Variants in MCTP1 observed in about 807,000 individuals in gnomAD.
The protein encoded by MCTP1 is multiple C2 and transmembrane domain containing 1, also known as multiple C2 and transmembrane domain-containing protein 1.
In MCTP1, 69 loss-of-function variants were observed where a neutral mutation model predicts 120.6. That is an observed-to-expected ratio of 0.57 (90% CI 0.47 to 0.70). MCTP1 has a LOEUF of 0.70. Among genes scored for constraint, MCTP1 ranks in the 30% least tolerant of loss-of-function variants. The pLI, the probability that MCTP1 is intolerant of heterozygous loss-of-function variation, is 0.00. For missense variants in MCTP1, 1,203 were observed against 1,248.8 expected (o/e 0.96, Z 0.55); for synonymous variants, 529 against 493.1 (o/e 1.07, Z -0.96).
chr5:94,789,146 G>T (rs1468101256), intron 18 of MCTP1: 1 of 152,180 alleles, frequency 6.6e-6, no homozygotes, highest in Non-Finnish European at 1.5e-5. Context: ...TAAGAACTAA[G>T]AGTACCTCTT....
chr5:95,198,624 C>G (rs1053971283), intron 1 of MCTP1, among the ~76,000 whole-genome samples: 5 of 152,108 alleles, frequency 3.3e-5, no homozygotes, highest in Non-Finnish European at 7.4e-5. Context: ...GTATAATAGC[C>G]TATAGTTTTT....
intron 11 of MCTP1, among the ~76,000 whole-genome samples, chr5:94,890,443 G>A (rs1802329015): frequency 6.6e-6 from 1 of 152,124 alleles, no homozygotes; most frequent in African/African-American, 2.4e-5. Context: ...TGGGTTAGAT[G>A]AGGATTAAAT....
rs189859862 is a variant in MCTP1, at chr5:95,249,572, G to T, written c.720+34284C>A. On this transcript the variant is annotated intron_variant, in intron 1 of 22. Transcript: ENST00000515393. ...TCACTGTCGGTGGGAGTGTAAATTA[G>T]TTCAACCATTGTGGAAGACAGTGTG... Among the ~76,000 whole-genome samples the T allele has an allele frequency of 6.2e-3, 951 of 152,178 alleles. 12 individuals are homozygous for T. Among genetic ancestry groups the T allele is most frequent in the African/African-American group, 0.021 (874 of 41,506 alleles).
At chr5:94,795,345 A>C (rs1779790877) in intron 18 of MCTP1, among the ~76,000 whole-genome samples, 1 of 152,150 alleles carries the variant, frequency 6.6e-6, no homozygotes, top group Non-Finnish European at 1.5e-5. Context: ...CTCTTGGAGG[A>C]GGACTAAATG....
intron 1 of MCTP1, among the ~76,000 whole-genome samples, chr5:95,170,917 G>A (rs1194148156): frequency 6.6e-6 from 1 of 151,800 alleles, no homozygotes; most frequent in Admixed American, 6.6e-5. Flanking sequence ...TACATTTAAG[G>A]TTAATATTGT....
At chr5:95,117,987 A>G (rs1413573953) in intron 1 of MCTP1, among the ~76,000 whole-genome samples, 3 of 152,158 alleles carry the variant, frequency 2.0e-5, no homozygotes. Flanking sequence ...CACAGGGAGA[A>G]GAAAGGGGAA....
chr5:94,711,302 C>G (rs1446427623), intron 20 of MCTP1, among the ~76,000 whole-genome samples: 1 of 152,142 alleles, frequency 6.6e-6, no homozygotes, highest in Admixed American at 6.5e-5. Context: ...CCCCTGGACC[C>G]ACCATTCTTC....
At chr5:95,065,345 T>C (rs1021858029) in intron 1 of MCTP1, among the ~76,000 whole-genome samples, 1 of 151,992 alleles carries the variant, frequency 6.6e-6, no homozygotes, top group African/African-American at 2.4e-5. Context: ...ATCACAAATA[T>C]ATATGTAAAT....
chr5:95,037,046 C>A (rs1346142), intron 1 of MCTP1, among the ~76,000 whole-genome samples: 141,323 of 152,064 alleles, frequency 0.93, 66,532 homozygotes, highest in East Asian at 1. Flanking sequence ...TTGCATGTGA[C>A]ATTTAAATGC....
intron 17 of MCTP1, among the ~76,000 whole-genome samples, chr5:94,832,585 C>T (rs36733): frequency 0.72 from 108,701 of 151,314 alleles, 39,858 homozygotes; most frequent in Middle Eastern, 0.78. Flanking sequence ...ACACAGGTTC[C>T]TTTCTCTTGC....
At chr5:94,864,171 G>A (rs529766153) in intron 17 of MCTP1, among the ~76,000 whole-genome samples, 13 of 151,976 alleles carry the variant, frequency 8.6e-5, no homozygotes, top group African/African-American at 3.1e-4. Context: ...TGCCTCGTAG[G>A]CTGCTCAGGA....
rs750983646 is a variant in MCTP1, at chr5:94,889,750, CCACACACACA to C, written c.1840-788_1840-779del. On this transcript the variant is annotated intron_variant, in intron 11 of 22. Coordinates refer to ENST00000515393, the MANE Select transcript of MCTP1 (RefSeq NM_024717.7). Reference sequence around the variant, plus strand: ...ACCCTTCCACCCTCATGAATGTACACCACACACACACACACACACACACACACACACACCC... The same window carrying C: ...ACCCTTCCACCCTCATGAATGTACACCACACACACACACACACACACACCC... Among the ~76,000 whole-genome samples, 196 of 145,714 alleles carry C rather than the reference CCACACACACA, an allele frequency of 1.3e-3. 1 individual carries two copies. The highest frequency in any genetic ancestry group is 2.1e-3 in the Non-Finnish European group (138 of 66,302).
At chr5:94,999,062 C>T (rs541108077) in intron 2 of MCTP1, among the ~76,000 whole-genome samples, 193 of 152,246 alleles carry the variant, frequency 1.3e-3, no homozygotes, top group African/African-American at 4.5e-3. Flanking sequence ...TAACCACCTC[C>T]GTTATAGTTG....
chr5:94,709,382 C>G (rs1210428503), intron 21 of MCTP1: 6 of 152,182 alleles, frequency 3.9e-5, no homozygotes, highest in Non-Finnish European at 8.8e-5. Flanking sequence ...CAAACACATT[C>G]TGCAAAGTTA....
At chr5:94,847,251 C>A (rs928448688) in intron 17 of MCTP1, among the ~76,000 whole-genome samples, 2 of 152,094 alleles carry the variant, frequency 1.3e-5, no homozygotes, top group African/African-American at 2.4e-5. Context: ...GAGTTCCATG[C>A]GCTCTGCCAA....
Position 95,194,586 on chromosome 5 carries a change from G to T in MCTP1, c.720+89270C>A, listed in dbSNP as rs1290407735. Among the ~76,000 whole-genome samples, 7 of 152,284 alleles carry T rather than the reference G, an allele frequency of 4.6e-5. 1 individual carries two copies. The highest frequency in any genetic ancestry group is 4.6e-4 in the Admixed American group (7 of 15,284). Reference sequence around the variant, plus strand: ...TATTTTCCAAAATCCCCTATTTGATGCAAGTATTCAGGTATATGTACAGTC... The same window carrying T: ...TATTTTCCAAAATCCCCTATTTGATTCAAGTATTCAGGTATATGTACAGTC... On this transcript the variant is annotated intron_variant, in intron 1 of 22. Coordinates refer to ENST00000515393, the MANE Select transcript of MCTP1 (RefSeq NM_024717.7).
chr5:94,979,333 A>T (rs1414897338), intron 2 of MCTP1: 1 of 152,180 alleles, frequency 6.6e-6, no homozygotes, highest in Non-Finnish European at 1.5e-5. Context: ...GAGGGCTACA[A>T]GGAACCACAT....
intron 18 of MCTP1, among the ~76,000 whole-genome samples, chr5:94,789,843 T>A (rs746441015): frequency 6.6e-6 from 1 of 152,194 alleles, no homozygotes; most frequent in African/African-American, 2.4e-5. Context: ...CCTATAAATA[T>A]TCAATAATAT....
At chr5:94,810,769 A>T (rs1351013409) in intron 17 of MCTP1, among the ~76,000 whole-genome samples, 1 of 152,082 alleles carries the variant, frequency 6.6e-6, no homozygotes, top group Non-Finnish European at 1.5e-5. Flanking sequence ...GACTTATCCA[A>T]CTTATCACGA....
Sources: gnomAD v4.1 joint callset for allele counts (sites outside exome capture counted in the v4.1 genomes callset) on GRCh38, gnomAD v4.1.1 for gene constraint, MANE v1.5 for transcripts, NCBI Gene and HGNC (gene_info 2026-07-23, HGNC 2026-07-21) for gene names.